Variants in ARMC3 observed in about 807,000 individuals in gnomAD.
The protein encoded by ARMC3 is armadillo repeat-containing protein 3.
In ARMC3, 74 loss-of-function variants were observed where a neutral mutation model predicts 90.3. That is an observed-to-expected ratio of 0.82 (90% CI 0.68 to 0.99). The LOEUF (loss-of-function observed/expected upper bound fraction) is 0.99, where lower values mean the gene tolerates loss of function less well. ARMC3 is among the 50% of genes least tolerant of loss of function. The pLI, the probability that ARMC3 is intolerant of heterozygous loss-of-function variation, is 0.00. For synonymous variants in ARMC3, 334 were observed against 361.8 expected (o/e 0.92, Z 0.87); for missense variants, 958 against 1,042.8 (o/e 0.92, Z 1.12).
In ARMC3 at chr10:22,977,291, C is replaced by T. The variant is rs78416156; in HGVS notation, c.917-4049C>T. On this transcript the variant is annotated intron_variant, in intron 8 of 18. Transcript: ENST00000298032. ...TCCTCGTGCTGTAACCTAGTATAGC[C>T]CACTCTGCTCTACATCTGCTACCAG... 7.9e-5 allele frequency among the ~76,000 whole-genome samples: 12 copies of T among 152,228 alleles called. No homozygotes were observed. In the East Asian group the frequency reaches 2.3e-3, roughly 29 times the overall value.
At position 22,963,627 on chromosome 10, in the gene ARMC3, C is replaced by T. The variant is rs147037072; in HGVS notation, c.732+1549C>T. ...CAAACTGGGGCCAGGCACGGTGGCTCACACCTGTAATCCCAGCACTTTGGG... is the reference window on the plus strand; with the variant it reads ...CAAACTGGGGCCAGGCACGGTGGCTTACACCTGTAATCCCAGCACTTTGGG... On this transcript the variant is annotated intron_variant, in intron 7 of 18. Transcript: ENST00000298032. Among the ~76,000 whole-genome samples the T allele has an allele frequency of 2.8e-3, 430 of 152,076 alleles. 5 individuals carry two copies. Among genetic ancestry groups the T allele is most frequent in the African/African-American group, 9.8e-3 (405 of 41,480 alleles).
Position 22,981,499 on chromosome 10 carries a change from C to A in ARMC3, c.1069+7C>A. 6.2e-7 allele frequency: 1 copy of A among 1,613,642 alleles called. No homozygotes were observed. Among genetic ancestry groups the A allele is most frequent in the South Asian group, 1.1e-5 (1 of 90,986 alleles). On this transcript the variant is annotated splice_region_variant and intron_variant, in intron 9 of 18. Transcript: ENST00000298032. ...GATTTTTTCAATAATCAGGGTAAGT[C>A]AACTGGAAACAATTCTTTTGAGCAT...
At chr10:22,948,467 A>T (rs1834623065) in intron 3 of ARMC3, among the ~76,000 whole-genome samples, 1 of 152,132 alleles carries the variant, frequency 6.6e-6, no homozygotes, top group Non-Finnish European at 1.5e-5. Flanking sequence ...AAAAAAAATG[A>T]TAGGACTTTG....
intron 18 of ARMC3, among the ~76,000 whole-genome samples, chr10:23,034,588 A>T (rs188723181): frequency 6.6e-6 from 1 of 152,306 alleles, no homozygotes; most frequent in African/African-American, 2.4e-5. Flanking sequence ...ATTCCTGGTC[A>T]AAATTCTGAG....
rs533546856 is a variant in ARMC3, at chr10:22,996,525, G to A, written c.1176-1623G>A. 2.2e-4 allele frequency among the ~76,000 whole-genome samples: 34 copies of A among 152,344 alleles called. No individual in the cohort carries two copies. In the South Asian group the frequency reaches 5.0e-3, roughly 22 times the overall value. On this transcript the variant is annotated intron_variant, in intron 10 of 18. Transcript: ENST00000298032. ...AGAAGGGTTAAATGTACAAGGACTGGAGAATGAGTAGAAACGAAGCAAGGC... is the reference window on the plus strand; with the variant it reads ...AGAAGGGTTAAATGTACAAGGACTGAAGAATGAGTAGAAACGAAGCAAGGC...
chr10:22,934,424 A>G (rs1483974089), intron 2 of ARMC3, among the ~76,000 whole-genome samples: 1 of 152,254 alleles, frequency 6.6e-6, no homozygotes, highest in Non-Finnish European at 1.5e-5. Flanking sequence ...CAATACAACT[A>G]TATTCTTCCT....
In ARMC3 at chr10:22,968,305, G is replaced by C. The variant is rs1835530709; in HGVS notation, c.733-1G>C. On this transcript the variant is annotated splice_acceptor_variant, in intron 7 of 18. Coordinates refer to ENST00000298032, the MANE Select transcript of ARMC3 (RefSeq NM_173081.5). LOFTEE classifies it high-confidence loss of function. The stretch of plus-strand genomic sequence containing the variant: ...AAAGTTGTATTTGCTTTTATTATTA[G>C]GAATTGAATGACCTTCATATAGAAG... The C allele has an allele frequency of 3.7e-6, 6 of 1,612,588 alleles. No homozygotes were observed. Among genetic ancestry groups the C allele is most frequent in the Non-Finnish European group, 5.1e-6 (6 of 1,178,938 alleles).
At chr10:22,974,330 G>A (rs1039046689) in intron 8 of ARMC3, among the ~76,000 whole-genome samples, 3 of 151,980 alleles carry the variant, frequency 2.0e-5, no homozygotes, top group Non-Finnish European at 2.9e-5. Flanking sequence ...AGCAATATTG[G>A]GAAATCTTCA....
intron 2 of ARMC3, among the ~76,000 whole-genome samples, chr10:22,939,477 G>C (rs555645284): frequency 6.6e-6 from 1 of 152,120 alleles, no homozygotes; most frequent in Non-Finnish European, 1.5e-5. Context: ...AATACCTGGG[G>C]CATTAATAAG....
At chr10:23,025,230 T>A (rs1352343440) in intron 16 of ARMC3, among the ~76,000 whole-genome samples, 2 of 152,004 alleles carry the variant, frequency 1.3e-5, no homozygotes, top group African/African-American at 4.8e-5. Context: ...ATACAGAAGA[T>A]TTCAGCAACA....
At chr10:22,951,703 G>T (rs550155036) in intron 3 of ARMC3, among the ~76,000 whole-genome samples, 9 of 151,958 alleles carry the variant, frequency 5.9e-5, no homozygotes, top group Non-Finnish European at 1.2e-4. Context: ...ACAAAAATCA[G>T]AATTGAAAAT....
intron 6 of ARMC3, chr10:22,959,926 A>G (rs1282771805): frequency 2.2e-6 from 1 of 451,792 alleles, no homozygotes; most frequent in Admixed American, 2.6e-5. Context: ...AGCACATTGG[A>G]TGTAATATAT....
chr10:23,032,034 T>C (rs188701966), intron 17 of ARMC3, among the ~76,000 whole-genome samples: 28 of 152,178 alleles, frequency 1.8e-4, no homozygotes, highest in Non-Finnish European at 3.1e-4. Flanking sequence ...GGAAGATGTA[T>C]TGAAGCCAGG....
intron 18 of ARMC3, among the ~76,000 whole-genome samples, chr10:23,035,565 T>C (rs1839098304): frequency 6.6e-6 from 1 of 152,108 alleles, no homozygotes; most frequent in African/African-American, 2.4e-5. Context: ...TCTCCCTTAT[T>C]TTCTTCCAGT....
intron 3 of ARMC3, 36 bp downstream of exon 3, chr10:22,946,297 T>G (rs775803616): frequency 7.1e-7 from 1 of 1,416,464 alleles, no homozygotes; most frequent in Admixed American, 1.8e-5. Flanking sequence ...TCTGTTTCAT[T>G]AATTTCTTAA....
chr10:23,032,739 A>G (rs1416341242), intron 17 of ARMC3, 122 bp from the exon 18 acceptor site: 1 of 1,064,732 alleles, frequency 9.4e-7, no homozygotes, highest in Non-Finnish European at 1.3e-6. Flanking sequence ...TCTCAAAAAT[A>G]AAGCACAACA....
intron 3 of ARMC3, among the ~76,000 whole-genome samples, chr10:22,949,045 G>A (rs1834641998): frequency 6.6e-6 from 1 of 152,186 alleles, no homozygotes; most frequent in African/African-American, 2.4e-5. Flanking sequence ...GGAGCATTGT[G>A]TAGAATACAC....
chr10:23,032,276 T>C (rs1370155970), intron 17 of ARMC3, among the ~76,000 whole-genome samples: 1 of 152,158 alleles, frequency 6.6e-6, no homozygotes, highest in Non-Finnish European at 1.5e-5. Context: ...TGTGACTTTA[T>C]TTTTCTTTTT....
intron 10 of ARMC3, among the ~76,000 whole-genome samples, chr10:22,987,604 A>G (rs187390629): frequency 3.0e-3 from 464 of 152,354 alleles, no homozygotes; most frequent in Non-Finnish European, 4.8e-3. Context: ...AATTATTTTA[A>G]TAACTATAGA....
Sources: gnomAD v4.1 joint callset for allele counts (sites outside exome capture counted in the v4.1 genomes callset) on GRCh38, gnomAD v4.1.1 for gene constraint, MANE v1.5 for transcripts, NCBI Gene and HGNC (gene_info 2026-07-23, HGNC 2026-07-21) for gene names.